MON2: variants seen among roughly 807,000 people sequenced by gnomAD.
MON2 encodes the protein protein MON2 homolog.
MON2 carries 84 observed loss-of-function variants against 208.6 expected under a neutral mutation model. That is an observed-to-expected ratio of 0.40 (90% CI 0.34 to 0.48). The LOEUF is 0.48. Among genes scored for constraint, MON2 ranks in the 20% least tolerant of loss-of-function variants. MON2 has a pLI of 0.59. For missense variants in MON2, 1,611 were observed against 2,015.4 expected, an observed-to-expected ratio of 0.80 and a Z score of 3.84; for synonymous variants, 660 against 694.0, an observed-to-expected ratio of 0.95 and a Z score of 0.77.
Position 62,485,437 on chromosome 12 carries a change from G to T in MON2, c.175+1204G>T, listed in dbSNP as rs148739595. Among the ~76,000 whole-genome samples the T allele has an allele frequency of 3.0e-4, 45 of 152,314 alleles. No homozygotes were observed. The East Asian group carries it at 7.9e-3, about 27-fold the overall frequency. Reference sequence around the variant, plus strand: ...ATTTTTGGGGTCAGATTAAGGATCGGGGGCAAGAGTGGATTTCACTTAGGC... The same window carrying T: ...ATTTTTGGGGTCAGATTAAGGATCGTGGGCAAGAGTGGATTTCACTTAGGC... On this transcript the variant is annotated intron_variant, in intron 2 of 34. Coordinates refer to ENST00000393630, the MANE Select transcript of MON2 (RefSeq NM_015026.3).
chr12:62,467,397 C>A, intron 1 of MON2, 79 bp downstream of exon 1: 2 of 1,193,342 alleles, frequency 1.7e-6, no homozygotes, highest in Non-Finnish European at 2.5e-6. Context: ...CCCCAGTTTC[C>A]AGTCCTAATT....
chr12:62,518,792 G>A (rs572724841), intron 8 of MON2, among the ~76,000 whole-genome samples: 1 of 152,250 alleles, frequency 6.6e-6, no homozygotes, highest in South Asian at 2.1e-4. Flanking sequence ...GGAACTCTAG[G>A]ACTGAGTTGG....
chr12:62,515,914 G>T (rs549411754), intron 8 of MON2, among the ~76,000 whole-genome samples: 1 of 151,886 alleles, frequency 6.6e-6, no homozygotes, highest in East Asian at 1.9e-4. Flanking sequence ...GTTTTATATT[G>T]TATGGTTTTA....
intron 23 of MON2, among the ~76,000 whole-genome samples, chr12:62,551,465 G>A (rs12300696): frequency 0.4 from 61,037 of 151,864 alleles, 12,948 homozygotes; most frequent in African/African-American, 0.54. Context: ...CAAAATAGTT[G>A]CAATAGTCAC....
At chr12:62,563,763 G>A (rs1440513571) in intron 26 of MON2, among the ~76,000 whole-genome samples, 2 of 152,022 alleles carry the variant, frequency 1.3e-5, no homozygotes, top group Non-Finnish European at 2.9e-5. Flanking sequence ...GCATAGTTAA[G>A]TCATTAATTT....
At chr12:62,543,305 C>A in intron 20 of MON2, 107 bp downstream of exon 20, 2 of 518,912 alleles carry the variant, frequency 3.9e-6, no homozygotes, top group Admixed American at 4.1e-5. Context: ...TTTTTTCCCC[C>A]TTTCCTGACT....
At chr12:62,572,874 A>G (rs1243232905) in intron 30 of MON2, among the ~76,000 whole-genome samples, 1 of 152,208 alleles carries the variant, frequency 6.6e-6, no homozygotes, top group Non-Finnish European at 1.5e-5. Context: ...GATGTACTTG[A>G]AGAAAAAAAC....
At chr12:62,534,651 C>A (rs576744158) in intron 12 of MON2, among the ~76,000 whole-genome samples, 194 bp from the exon 13 acceptor site, 2 of 144,088 alleles carry the variant, frequency 1.4e-5, no homozygotes, top group East Asian at 4.0e-4. Flanking sequence ...AAGACTTCTT[C>A]AAGCCTGAAA....
At position 62,580,429 on chromosome 12, in the gene MON2, A is replaced by T; in HGVS notation, c.4699+9A>T. On this transcript the variant is annotated intron_variant, in intron 32 of 34. Transcript: ENST00000393630. ...GTCATCTTCATTTACAGGTATGTTA[A>T]TTTTTTTAAGTATTAAAAAGTATTG... is the stretch of plus-strand genomic sequence containing the variant. 6.3e-7 allele frequency: 1 copy of T among 1,582,510 alleles called. No homozygotes were observed. The highest frequency in any genetic ancestry group is 8.6e-7 in the Non-Finnish European group (1 of 1,158,398).
intron 1 of MON2, among the ~76,000 whole-genome samples, chr12:62,481,302 G>A (rs11174502): frequency 0.097 from 14,791 of 152,076 alleles, 835 homozygotes; most frequent in Non-Finnish European, 0.12. Flanking sequence ...TGAGGCGGGC[G>A]GATCACGAGG....
At chr12:62,494,697 C>T (rs2070373435) in intron 3 of MON2, among the ~76,000 whole-genome samples, 1 of 152,042 alleles carries the variant, frequency 6.6e-6, no homozygotes, top group African/African-American at 2.4e-5. Context: ...TTGCATATGT[C>T]CGTATTATTC....
In MON2 at chr12:62,519,311, C is replaced by G. The variant is rs371444246; in HGVS notation, c.985-5204C>G. On this transcript the variant is annotated intron_variant, in intron 8 of 34. Coordinates refer to ENST00000393630, the MANE Select transcript of MON2 (RefSeq NM_015026.3). The stretch of plus-strand genomic sequence containing the variant: ...CTGAAATCGCCTCAGCTGAGTGATA[C>G]TGGGGGTGGGTGGTGAGAGGGGAAT... Among the ~76,000 whole-genome samples the G allele has an allele frequency of 3.3e-5, 5 of 151,992 alleles. No individual in the cohort carries two copies. In the East Asian group the frequency reaches 9.7e-4, roughly 29 times the overall value.
Position 62,508,478 on chromosome 12 carries a change from T to C in MON2, c.982T>C (p.Leu328=), listed in dbSNP as rs2071219986. The change falls in exon 8 of 35, where the codon TTG becomes CTG. Residue 328 remains leucine (L), a splice_region_variant and synonymous_variant. Coordinates refer to ENST00000393630, the MANE Select transcript of MON2 (RefSeq NM_015026.3). ...TCTGATTAAGCAGTTTTACAGTCTT[T>C]TGGTAAGTGCTAATTTCCTTATGTA... ...SVLIKQFYSL[L]VTECEIFLSL... is the part of the protein sequence containing the mutation. The C allele has an allele frequency of 6.2e-7, 1 of 1,612,864 alleles. No individual in the cohort carries two copies. The highest frequency in any genetic ancestry group is 2.2e-5 in the East Asian group (1 of 44,850).
chr12:62,530,191 A>G (rs986263221), intron 11 of MON2, among the ~76,000 whole-genome samples: 4 of 151,048 alleles, frequency 2.6e-5, no homozygotes, highest in African/African-American at 9.7e-5. Context: ...TTTCTACTTT[A>G]ATGAGATCCA....
chr12:62,544,565 A>G (rs2073399733), intron 20 of MON2, among the ~76,000 whole-genome samples: 1 of 152,168 alleles, frequency 6.6e-6, no homozygotes, highest in Non-Finnish European at 1.5e-5. Context: ...TCATTAATGG[A>G]TGGTCTCATC....
At position 62,596,006 on chromosome 12, in the gene MON2, C is replaced by T. The variant is rs1052564029; in HGVS notation, c.*3257C>T. 2.0e-5 allele frequency: 3 copies of T among 152,154 alleles called. No individual in the cohort carries two copies. Among genetic ancestry groups the T allele is most frequent in the Non-Finnish European group, 2.9e-5 (2 of 68,028 alleles). The allele number at this position is 152,154 out of a possible 1,614,324, so 9.4% of individuals were successfully genotyped here. A position where few individuals can be genotyped will look rare whatever the true frequency, so the allele number is the denominator to read the frequency against. ...ATAATATTCAATTAAATTATTTCTA[C>T]AGCAGGCCAGTAACAACTAGATTAT... On this transcript the variant is annotated 3_prime_UTR_variant, in exon 35 of 35. Transcript: ENST00000393630.
chr12:62,523,479 A>G (rs2072172977), intron 8 of MON2, among the ~76,000 whole-genome samples: 1 of 152,164 alleles, frequency 6.6e-6, no homozygotes, highest in Non-Finnish European at 1.5e-5. Context: ...CTCTGCATAT[A>G]CTTACCCAGT....
chr12:62,546,623 G>T (rs2073497433), intron 21 of MON2, among the ~76,000 whole-genome samples: 1 of 152,046 alleles, frequency 6.6e-6, no homozygotes, highest in Non-Finnish European at 1.5e-5. Flanking sequence ...GCATGGTGGT[G>T]CATGCCTGTA....
At chr12:62,490,514 ATC>A (rs1165197154) in intron 2 of MON2, among the ~76,000 whole-genome samples, 1 of 152,112 alleles carries the variant, frequency 6.6e-6, no homozygotes, top group Non-Finnish European at 1.5e-5. Context: ...GAGAGTGGAT[ATC>A]TCTCAGTTGG....
Sources: gnomAD v4.1 joint callset for allele counts (sites outside exome capture counted in the v4.1 genomes callset) on GRCh38, gnomAD v4.1.1 for gene constraint, MANE v1.5 for transcripts, NCBI Gene and HGNC (gene_info 2026-07-23, HGNC 2026-07-21) for gene names.